The following GRM5 variants were observed in gnomAD, a reference collection of about 807,000 sequenced individuals.
GRM5 encodes the protein metabotropic glutamate receptor 5.
Under a neutral mutation model 83.1 loss-of-function variants are expected in GRM5, and 19 were observed. The observed-to-expected ratio is 0.23, with a 90% CI of 0.16 to 0.34. The LOEUF is 0.34. GRM5 is among the 10% of genes least tolerant of loss of function. The pLI is 1.00. For synonymous variants in GRM5, 675 were observed against 633.6 expected, an observed-to-expected ratio of 1.07 and a Z score of -0.98; for missense variants, 1,160 against 1,588.3, an observed-to-expected ratio of 0.73 and a Z score of 4.58.
At chr11:89,040,934 T>A (rs1941517437) in intron 2 of GRM5, among the ~76,000 whole-genome samples, 1 of 152,198 alleles carries the variant, frequency 6.6e-6, no homozygotes, top group Non-Finnish European at 1.5e-5. Flanking sequence ...TTACTGTGCA[T>A]AATTTGCTTT....
Position 88,508,724 on chromosome 11 carries a change from G to A in GRM5, c.3507C>T (p.Phe1169=). 1 of 1,590,900 alleles carries A rather than the reference G, an allele frequency of 6.3e-7. No homozygotes were observed. The highest frequency in any genetic ancestry group is 8.5e-7 in the Non-Finnish European group (1 of 1,169,926). The change falls in exon 10 of 10, where the codon TTC becomes TTT. Residue 1169 remains phenylalanine (F), a synonymous_variant. Transcript: ENST00000305447. This position sits in a 1 kb window ranked among gnomAD's most constrained non-coding sequence, Gnocchi z 4.2. ...TGCTCCCCGAGTCCACCGAGTCTCT[G>A]AAGGGGGACGGCGGGGTGAGAGCCA... The part of the protein sequence containing the change: ...ELVALTPPSP[F]RDSVDSGSTT...
chr11:88,749,967 C>A (rs1181218106), intron 3 of GRM5, among the ~76,000 whole-genome samples: 1 of 152,106 alleles, frequency 6.6e-6, no homozygotes, highest in African/African-American at 2.4e-5. Flanking sequence ...AAACCGTTGC[C>A]AGCTACTACA....
intron 2 of GRM5, among the ~76,000 whole-genome samples, chr11:88,928,944 A>ACT (rs1565296641): frequency 5.8e-4 from 88 of 151,088 alleles, no homozygotes; most frequent in African/African-American, 2.0e-3. Flanking sequence ...ACACACACAC[A>ACT]CTCAAGAGTT....
chr11:88,901,300 A>G (rs1945312023), intron 2 of GRM5, among the ~76,000 whole-genome samples: 1 of 152,154 alleles, frequency 6.6e-6, no homozygotes. Context: ...CCCTTGACAT[A>G]TATTAATTCA....
intron 4 of GRM5, among the ~76,000 whole-genome samples, chr11:88,652,889 T>C (rs1447901348): frequency 6.6e-6 from 1 of 152,142 alleles, no homozygotes; most frequent in Non-Finnish European, 1.5e-5. Flanking sequence ...CTGGAGCTCA[T>C]GTGATGTTTT....
At chr11:89,039,432 T>C (rs550690390) in intron 2 of GRM5, among the ~76,000 whole-genome samples, 60 of 152,190 alleles carry the variant, frequency 3.9e-4, no homozygotes, top group African/African-American at 1.3e-3. Flanking sequence ...TCCAGAGTCC[T>C]CCAAGTGATT....
At chr11:88,928,301 C>T (rs2135641839) in intron 2 of GRM5, among the ~76,000 whole-genome samples, 2 of 152,090 alleles carry the variant, frequency 1.3e-5, no homozygotes, top group South Asian at 4.2e-4. Flanking sequence ...GCCCCAGTTA[C>T]TTCATCTGTG....
intron 3 of GRM5, among the ~76,000 whole-genome samples, chr11:88,773,953 A>G (rs1426821521): frequency 2.0e-5 from 3 of 152,196 alleles, no homozygotes; most frequent in Non-Finnish European, 4.4e-5. Flanking sequence ...TTGGTTCCAT[A>G]TGAACTTTAA....
At chr11:88,510,994 CA>C (rs1293711734) in intron 9 of GRM5, among the ~76,000 whole-genome samples, 2 of 152,222 alleles carry the variant, frequency 1.3e-5, no homozygotes, top group African/African-American at 4.8e-5. Flanking sequence ...TTTATCATCA[CA>C]GCCTATGGTT....
At chr11:88,956,572 C>T (rs1337618014) in intron 2 of GRM5, among the ~76,000 whole-genome samples, 2 of 150,740 alleles carry the variant, frequency 1.3e-5, no homozygotes, top group African/African-American at 4.9e-5. Context: ...TTTCGGCGGC[C>T]GAGGCGGGCA....
intron 4 of GRM5, chr11:88,612,949 T>C (rs112316565): frequency 3.3e-5 from 5 of 152,322 alleles, no homozygotes; most frequent in African/African-American, 1.2e-4. Context: ...ATTTCATTTT[T>C]TTATCCCAAA....
intron 2 of GRM5, among the ~76,000 whole-genome samples, chr11:88,919,866 G>T (rs1259367160): frequency 6.6e-6 from 1 of 151,918 alleles, no homozygotes; most frequent in Non-Finnish European, 1.5e-5. Flanking sequence ...AAATGAAAAT[G>T]CAAAATCCCA....
At chr11:88,869,100 C>A (rs1192270532) in intron 2 of GRM5, among the ~76,000 whole-genome samples, 1 of 151,688 alleles carries the variant, frequency 6.6e-6, no homozygotes, top group African/African-American at 2.4e-5. Flanking sequence ...GCAAGTTTTG[C>A]TCTGAAGCAG....
At position 88,506,037 on chromosome 11, in the gene GRM5, G is replaced by A. The variant is rs1404770394; in HGVS notation, c.*2555C>T. 1 of 152,152 alleles carries A rather than the reference G, an allele frequency of 6.6e-6. No homozygotes were observed. The allele number at this position is 152,152 out of a possible 1,614,324, so 9.4% of individuals were successfully genotyped here. A position where few individuals can be genotyped will look rare whatever the true frequency, so the allele number is the denominator to read the frequency against. ...AATAATCTTATGTCCAACATACAAT[G>A]TATTCAATGGAGTGGCAAAAGTTAT... is the stretch of plus-strand genomic sequence containing the variant. On this transcript the variant is annotated 3_prime_UTR_variant, in exon 10 of 10. Transcript: ENST00000305447.
At chr11:88,597,394 A>T in intron 5 of GRM5, 42 bp from the exon 6 acceptor site, 1 of 1,075,208 alleles carries the variant, frequency 9.3e-7, no homozygotes, top group Non-Finnish European at 1.3e-6. Context: ...TTAAGATGTA[A>T]ATACTCAGCT....
intron 3 of GRM5, among the ~76,000 whole-genome samples, chr11:88,788,121 G>A (rs1218685268): frequency 6.6e-6 from 1 of 152,140 alleles, no homozygotes; most frequent in Non-Finnish European, 1.5e-5. Context: ...CTAGCTTTGG[G>A]AGGAACATCT....
Position 88,583,221 on chromosome 11 carries a change from C to T in GRM5, c.1690+7380G>A, listed in dbSNP as rs560487119. Reference sequence around the variant, plus strand: ...CCAATGCGGGAGTTATAAAACCTGCCAGTGGTTACACCTCTTGGAGCTCAT... The same window carrying T: ...CCAATGCGGGAGTTATAAAACCTGCTAGTGGTTACACCTCTTGGAGCTCAT... On this transcript the variant is annotated intron_variant, in intron 7 of 9. Coordinates refer to ENST00000305447, the MANE Select transcript of GRM5 (RefSeq NM_001143831.3). Among the ~76,000 whole-genome samples, 26 of 152,194 alleles carry T rather than the reference C, an allele frequency of 1.7e-4. 1 individual carries two copies. The highest frequency in any genetic ancestry group is 1.6e-3 in the Admixed American group (25 of 15,276).
intron 2 of GRM5, among the ~76,000 whole-genome samples, chr11:88,987,991 C>T (rs1024288053): frequency 2.1e-4 from 31 of 150,700 alleles, no homozygotes; most frequent in South Asian, 2.1e-4. Context: ...TCACCAGCAA[C>T]GGAACAAAGC....
intron 2 of GRM5, among the ~76,000 whole-genome samples, chr11:88,992,864 T>G (rs1940029243): frequency 1.3e-5 from 1 of 77,828 alleles, no homozygotes. Context: ...CCGGGGCCTG[T>G]CGTGGGGTGG....
Sources: gnomAD v4.1 joint callset for allele counts (sites outside exome capture counted in the v4.1 genomes callset) on GRCh38, gnomAD v4.1.1 for gene constraint, Gnocchi (gnomAD v3.1) non-coding constraint, MANE v1.5 for transcripts, NCBI Gene and HGNC (gene_info 2026-07-23, HGNC 2026-07-21) for gene names.